Variants in OGDH observed in about 807,000 individuals in gnomAD.
OGDH encodes oxoglutarate dehydrogenase, also known as 2-oxoglutarate dehydrogenase complex component E1.
A neutral mutation model predicts 116.6 loss-of-function variants in OGDH; 38 were observed. The observed-to-expected ratio is 0.33, with a 90% CI of 0.25 to 0.43. The LOEUF is 0.43. OGDH is among the 20% of genes least tolerant of loss of function. The probability of loss-of-function intolerance (pLI) is 1.00; values close to 1 mark genes in which losing one functional copy is unlikely to be tolerated. For missense variants in OGDH, 825 were observed against 1,357.2 expected (o/e 0.61, Z 6.16); for synonymous variants, 488 against 533.3 (o/e 0.92, Z 1.17).
intron 2 of OGDH, among the ~76,000 whole-genome samples, chr7:44,628,909 G>C (rs1785310384): frequency 6.6e-6 from 1 of 152,108 alleles, no homozygotes; most frequent in Non-Finnish European, 1.5e-5. Context: ...CTGTCTCTGT[G>C]GTGGGCCCAT....
Position 44,639,509 on chromosome 7 carries a change from A to AT in OGDH, c.223-5817dup, listed in dbSNP as rs201345845. Among the ~76,000 whole-genome samples, 1,496 of 152,340 alleles carry AT rather than the reference A, an allele frequency of 9.8e-3. 9 individuals are homozygous for AT. Among genetic ancestry groups the AT allele is most frequent in the Non-Finnish European group, 0.015 (1,050 of 68,032 alleles). On this transcript the variant is annotated intron_variant, in intron 2 of 22. Coordinates refer to ENST00000222673, the MANE Select transcript of OGDH (RefSeq NM_002541.4). ...ACCTTCATTTTCAAAGCCTTTTTGAATAAATAAACTTTTTTGAGGTTTAAC... is the reference window on the plus strand; with the variant it reads ...ACCTTCATTTTCAAAGCCTTTTTGAATTAAATAAACTTTTTTGAGGTTTAAC...
chr7:44,641,608 C>T (rs17133679), intron 2 of OGDH, among the ~76,000 whole-genome samples: 14,772 of 152,188 alleles, frequency 0.097, 1,436 homozygotes, highest in East Asian at 0.39. Flanking sequence ...GACTCCTGCT[C>T]AGTTTCCTGC....
chr7:44,690,319 G>A (rs908241987), intron 10 of OGDH, among the ~76,000 whole-genome samples: 1 of 152,168 alleles, frequency 6.6e-6, no homozygotes, highest in Non-Finnish European at 1.5e-5. Flanking sequence ...AATGGGAGGG[G>A]TGAGAAGGGC....
chr7:44,615,936 G>C (rs182045009), intron 1 of OGDH, among the ~76,000 whole-genome samples: 38 of 151,190 alleles, frequency 2.5e-4, no homozygotes, highest in Admixed American at 2.4e-3. Flanking sequence ...GACTGAGGTG[G>C]GAGAATCACT....
chr7:44,628,504 A>G (rs1400380752), intron 2 of OGDH, among the ~76,000 whole-genome samples: 1 of 151,448 alleles, frequency 6.6e-6, no homozygotes, highest in Non-Finnish European at 1.5e-5. Context: ...TGTAATCCTG[A>G]TACTTTGGGA....
intron 2 of OGDH, among the ~76,000 whole-genome samples, chr7:44,631,019 T>C (rs888109054): frequency 6.6e-6 from 1 of 152,098 alleles, no homozygotes; most frequent in African/African-American, 2.4e-5. Context: ...CGCTTGCCGC[T>C]CACTTCCTGC....
chr7:44,667,171 A>G (rs1787222102), intron 5 of OGDH, among the ~76,000 whole-genome samples: 1 of 152,044 alleles, frequency 6.6e-6, no homozygotes, highest in South Asian at 2.1e-4. Context: ...GGCTGGTCTC[A>G]AATGCCTGGG....
At chr7:44,650,428 A>C (rs981600532) in intron 4 of OGDH, among the ~76,000 whole-genome samples, 1 of 152,190 alleles carries the variant, frequency 6.6e-6, no homozygotes, top group African/African-American at 2.4e-5. Context: ...TCTGTGCCTC[A>C]TCACCTCATC....
chr7:44,623,495 G>A (rs938692844), intron 1 of OGDH, among the ~76,000 whole-genome samples: 15 of 75,582 alleles, frequency 2.0e-4, no homozygotes, highest in Admixed American at 2.0e-3. Context: ...ATTAGAAAAT[G>A]TTTTACTTAT....
rs556449682 is a variant in OGDH, at chr7:44,664,736, G to A, written c.518-2000G>A. Among the ~76,000 whole-genome samples, 31 of 152,224 alleles carry A rather than the reference G, an allele frequency of 2.0e-4. No individual in the cohort carries two copies. The South Asian group carries it at 6.2e-3, about 31-fold the overall frequency. On this transcript the variant is annotated intron_variant, in intron 4 of 22. Transcript: ENST00000222673. ...TTAGTTGTACTTATTGGGGGAATAG[G>A]GAAGAATATGTGTACTCCGCTTTCA...
chr7:44,663,010 C>T (rs550064285), intron 4 of OGDH, among the ~76,000 whole-genome samples: 3 of 152,142 alleles, frequency 2.0e-5, no homozygotes, highest in Non-Finnish European at 2.9e-5. Context: ...TAGCTAAGTA[C>T]CTTTTCAGCC....
At chr7:44,616,974 G>A (rs1206395366) in intron 1 of OGDH, among the ~76,000 whole-genome samples, 2 of 137,300 alleles carry the variant, frequency 1.5e-5, no homozygotes, top group Admixed American at 1.4e-4. Context: ...TCACTCTGTC[G>A]TCCAGGCTGG....
At chr7:44,649,503 C>T (rs1032506715) in intron 4 of OGDH, among the ~76,000 whole-genome samples, 1 of 151,974 alleles carries the variant, frequency 6.6e-6, no homozygotes, top group Non-Finnish European at 1.5e-5. Context: ...TGAGCCACCG[C>T]GCCTGGCTGG....
intron 9 of OGDH, among the ~76,000 whole-genome samples, chr7:44,678,461 G>A (rs1293973949): frequency 6.6e-6 from 1 of 152,212 alleles, no homozygotes; most frequent in East Asian, 1.9e-4. Context: ...AAGCAATAGA[G>A]TATATTTTAA....
At chr7:44,615,526 A>T (rs1030662783) in intron 1 of OGDH, among the ~76,000 whole-genome samples, 1 of 152,092 alleles carries the variant, frequency 6.6e-6, no homozygotes, top group Non-Finnish European at 1.5e-5. Context: ...ACACCAGCTG[A>T]GTGGAGTGAG....
At chr7:44,622,684 C>T (rs1389836160) in intron 1 of OGDH, 1 of 152,074 alleles carries the variant, frequency 6.6e-6, no homozygotes, top group African/African-American at 2.4e-5. Flanking sequence ...TGTTTCAGAG[C>T]TTGGATTTTC....
chr7:44,645,652 C>T, intron 3 of OGDH, 134 bp downstream of exon 3: 1 of 841,280 alleles, frequency 1.2e-6, no homozygotes, highest in South Asian at 2.3e-5. Context: ...GTGCTTTCTC[C>T]CTGCTTTGGG....
intron 4 of OGDH, among the ~76,000 whole-genome samples, chr7:44,663,699 G>A (rs760227526): frequency 2.6e-5 from 4 of 152,188 alleles, no homozygotes; most frequent in Admixed American, 2.0e-4. Context: ...GCTCAAGCCC[G>A]AGAGGCGGAA....
At chr7:44,640,380 A>G (rs1785875965) in intron 2 of OGDH, among the ~76,000 whole-genome samples, 1 of 152,162 alleles carries the variant, frequency 6.6e-6, no homozygotes, top group Non-Finnish European at 1.5e-5. Flanking sequence ...AGTAAGTTGG[A>G]AAAGCCCACA....
Sources: gnomAD v4.1 joint callset for allele counts (sites outside exome capture counted in the v4.1 genomes callset) on GRCh38, gnomAD v4.1.1 for gene constraint, MANE v1.5 for transcripts, NCBI Gene and HGNC (gene_info 2026-07-23, HGNC 2026-07-21) for gene names.